Variants in MLLT10 observed in about 807,000 individuals in gnomAD.
MLLT10 encodes the protein protein AF-10.
Under a neutral mutation model 129.1 loss-of-function variants are expected in MLLT10, and 30 were observed. The ratio of observed to expected loss-of-function variants is 0.23; its 90% confidence interval spans 0.17 to 0.32. The LOEUF (loss-of-function observed/expected upper bound fraction) is 0.32, where lower values mean the gene tolerates loss of function less well. MLLT10 is among the 10% of genes least tolerant of loss of function. MLLT10 has a pLI of 1.00. For synonymous variants in MLLT10, 490 were observed against 446.4 expected (o/e 1.10, Z -1.23); for missense variants, 1,119 against 1,268.3 (o/e 0.88, Z 1.79).
rs975154549 is a variant in MLLT10 at position 21,576,307 on chromosome 10, A to T, written c.241-9987A>T. On this transcript the variant is annotated intron_variant, in intron 3 of 22. Transcript: ENST00000307729. ...GCCCAGGCTGGAGTGCAGTGGCATGATCTTGGTTCACTGCAAGCTCCGCCT... is the reference window on the plus strand; with the variant it reads ...GCCCAGGCTGGAGTGCAGTGGCATGTTCTTGGTTCACTGCAAGCTCCGCCT... Among the ~76,000 whole-genome samples, 30 of 143,844 alleles carry T rather than the reference A, an allele frequency of 2.1e-4. 1 individual carries two copies. The highest frequency in any genetic ancestry group is 2.0e-3 in the Admixed American group (28 of 13,814). The allele number at this position is 143,844 out of a possible 152,430, so 94.4% of individuals were successfully genotyped here.
chr10:21,633,512 C>A (rs766177338), intron 8 of MLLT10, among the ~76,000 whole-genome samples: 22 of 151,658 alleles, frequency 1.5e-4, no homozygotes, highest in Admixed American at 2.6e-4. Context: ...GGCAACATGG[C>A]AAGAAGCCAT....
At chr10:21,672,596 C>G (rs1475921240) in intron 10 of MLLT10, among the ~76,000 whole-genome samples, 1 of 152,082 alleles carries the variant, frequency 6.6e-6, no homozygotes, top group African/African-American at 2.4e-5. Flanking sequence ...TGAGCCACTG[C>G]ACCCAGCCTA....
intron 2 of MLLT10, 73 bp from the exon 3 acceptor site, chr10:21,538,760 G>A: frequency 1.8e-6 from 2 of 1,086,716 alleles, no homozygotes; most frequent in South Asian, 1.3e-5. Flanking sequence ...GATTAATAGG[G>A]CTTTGAAAGG....
intron 4 of MLLT10, among the ~76,000 whole-genome samples, chr10:21,594,930 A>T (rs1199469072): frequency 6.6e-6 from 1 of 152,218 alleles, no homozygotes; most frequent in African/African-American, 2.4e-5. Flanking sequence ...ACTAAGATAA[A>T]AATAATTTCA....
At chr10:21,740,339 T>G in intron 22 of MLLT10, 103 bp downstream of exon 22, 2 of 1,292,422 alleles carry the variant, frequency 1.5e-6, no homozygotes, top group Non-Finnish European at 2.2e-6. Context: ...TCATTTCTTC[T>G]TAAAACCAGT....
chr10:21,592,466 T>C (rs1195027925), intron 4 of MLLT10, among the ~76,000 whole-genome samples: 1 of 151,866 alleles, frequency 6.6e-6, no homozygotes, highest in African/African-American at 2.4e-5. Flanking sequence ...TTGTTTTTGT[T>C]TTTTTTTGAG....
chr10:21,535,135 G>A (rs2033677448), intron 2 of MLLT10, among the ~76,000 whole-genome samples: 1 of 148,454 alleles, frequency 6.7e-6, no homozygotes, highest in Admixed American at 6.6e-5. Flanking sequence ...GGCGGGGGCG[G>A]GGGCGGGGGC....
At chr10:21,652,699 T>C (rs2049164529) in intron 9 of MLLT10, among the ~76,000 whole-genome samples, 1 of 152,202 alleles carries the variant, frequency 6.6e-6, no homozygotes, top group Non-Finnish European at 1.5e-5. Flanking sequence ...AGTGAGCTAC[T>C]GGAGGTTTCT....
In MLLT10 at chr10:21,652,155, G is replaced by A. The variant is rs186451744; in HGVS notation, c.795+387G>A. 7.5e-3 allele frequency among the ~76,000 whole-genome samples: 1,134 copies of A among 151,904 alleles called. 4 individuals carry two copies. Among genetic ancestry groups the A allele is most frequent in the South Asian group, 0.017 (83 of 4,798 alleles). ...TCTCGATCTCCTGACCTTGTGATCC[G>A]CCCACCTCAGCCTCCCAAAGTGCTG... On this transcript the variant is annotated intron_variant, in intron 9 of 22. Transcript: ENST00000307729.
chr10:21,735,366 T>TGGCAA, intron 21 of MLLT10, 131 bp downstream of exon 21: 1 of 732,194 alleles, frequency 1.4e-6, no homozygotes, highest in Non-Finnish European at 2.2e-6. Context: ...TTTCTTGCCA[T>TGGCAA]GTGGTACAGG....
intron 3 of MLLT10, among the ~76,000 whole-genome samples, chr10:21,578,296 C>A (rs115332864): frequency 0.019 from 2,962 of 152,214 alleles, 88 homozygotes; most frequent in African/African-American, 0.067. Context: ...CTATTTAGAT[C>A]CTTTGTTCAA....
chr10:21,544,737 T>C (rs565720447), intron 3 of MLLT10, among the ~76,000 whole-genome samples: 1 of 152,206 alleles, frequency 6.6e-6, no homozygotes, highest in South Asian at 2.1e-4. Flanking sequence ...AGGTGCTCAC[T>C]CATTAATGGT....
chr10:21,673,962 A>T, intron 11 of MLLT10, 43 bp downstream of exon 11: 1 of 1,436,368 alleles, frequency 7.0e-7, no homozygotes, highest in South Asian at 1.5e-5. Context: ...CACTCCCACC[A>T]CCTCCCTTCT....
intron 8 of MLLT10, among the ~76,000 whole-genome samples, chr10:21,642,009 A>G (rs902591885): frequency 1.4e-4 from 22 of 152,200 alleles, no homozygotes; most frequent in African/African-American, 5.1e-4. Context: ...TTGAGCATCT[A>G]AAGGCAGGAA....
Position 21,681,312 on chromosome 10 carries a change from T to C in MLLT10, c.1622-20T>C. 1 of 1,610,184 alleles carries C rather than the reference T, an allele frequency of 6.2e-7. No homozygotes were observed. The highest frequency in any genetic ancestry group is 1.3e-5 in the African/African-American group (1 of 74,778). On this transcript the variant is annotated intron_variant, in intron 11 of 22. Coordinates refer to ENST00000307729, the MANE Select transcript of MLLT10 (RefSeq NM_001195626.3). The stretch of plus-strand genomic sequence containing the variant: ...ACTGGCAATTTCTTCACTGATTTCC[T>C]TTTTCCTTCCTCTCAACAGAAATTT...
intron 8 of MLLT10, 64 bp from the exon 9 acceptor site, chr10:21,651,609 T>C (rs1272895320): frequency 1.9e-6 from 2 of 1,069,880 alleles, no homozygotes; most frequent in Non-Finnish European, 2.8e-6. Flanking sequence ...TATAAAAAAA[T>C]CTCTGTTGCA....
rs796565735 is a variant in MLLT10 at position 21,598,579 on chromosome 10, C to T, written c.405+3139C>T. Among the ~76,000 whole-genome samples the T allele has an allele frequency of 6.6e-5, 10 of 152,132 alleles. No homozygotes were observed. In the South Asian group the frequency reaches 1.4e-3, roughly 22 times the overall value. On this transcript the variant is annotated intron_variant, in intron 5 of 22. Transcript: ENST00000307729. ...TTCTATAAATTCACATCTATTGTTT[C>T]TATATCTATGTAGAAAACTGTGGGC...
intron 3 of MLLT10, among the ~76,000 whole-genome samples, chr10:21,555,137 A>G (rs1015320859): frequency 6.6e-6 from 1 of 151,046 alleles, no homozygotes; most frequent in Non-Finnish European, 1.5e-5. Flanking sequence ...TTTAATTTCT[A>G]AGGACTCTTT....
chr10:21,613,857 G>T (rs893719577), intron 6 of MLLT10, among the ~76,000 whole-genome samples: 1 of 151,818 alleles, frequency 6.6e-6, no homozygotes, highest in Non-Finnish European at 1.5e-5. Context: ...AGTGAGCTGA[G>T]ATCATGCCAC....
Sources: gnomAD v4.1 joint callset for allele counts (sites outside exome capture counted in the v4.1 genomes callset) on GRCh38, gnomAD v4.1.1 for gene constraint, MANE v1.5 for transcripts, NCBI Gene and HGNC (gene_info 2026-07-23, HGNC 2026-07-21) for gene names.